CYB5B: variants seen among roughly 807,000 people sequenced by gnomAD.
CYB5B encodes cytochrome b5 type B (outer mitochondrial membrane).
A neutral mutation model predicts 21.3 loss-of-function variants in CYB5B; 14 were observed. The observed-to-expected ratio is 0.66, with a 90% confidence interval of 0.43 to 1.03. The LOEUF is 1.03. Among genes scored for constraint, CYB5B ranks in the 50% least tolerant of loss-of-function variants. CYB5B has a pLI of 0.00. For missense variants in CYB5B, 166 were observed against 185.1 expected, an observed-to-expected ratio of 0.90 and a Z score of 0.60; for synonymous variants, 69 against 68.4, an observed-to-expected ratio of 1.01 and a Z score of -0.04.
At chr16:69,441,754 T>G (rs1250547115) in intron 1 of CYB5B, among the ~76,000 whole-genome samples, 2 of 152,154 alleles carry the variant, frequency 1.3e-5, no homozygotes. Flanking sequence ...AGAAACTCAT[T>G]TTTTTTCAGT....
rs529082567 is a variant in CYB5B at position 69,432,733 on chromosome 16, C to A, written c.174+7876C>A. The stretch of plus-strand genomic sequence containing the variant: ...AAAACAGGAGCAGAGGAGTAACTTT[C>A]ACAGAGTCATAAAGTTAGGTGGCAC... On this transcript the variant is annotated intron_variant, in intron 1 of 4. Transcript: ENST00000307892. Among the ~76,000 whole-genome samples the A allele has an allele frequency of 3.3e-5, 5 of 152,260 alleles. No homozygotes were observed. The South Asian group carries it at 1.0e-3, about 32-fold the overall frequency.
At chr16:69,459,261 A>C in intron 4 of CYB5B, 140 bp downstream of exon 4, 1 of 1,109,178 alleles carries the variant, frequency 9.0e-7, no homozygotes, top group African/African-American at 1.6e-5. Context: ...TTGCAAATTC[A>C]GTTGTTCCTT....
Position 69,428,828 on chromosome 16 carries a change from G to A in CYB5B, c.174+3971G>A, listed in dbSNP as rs139472471. Reference sequence around the variant, plus strand: ...AGCCATGAGGGTATCTGTAGGAAGAGCATAGAGCATTCCTGGCAGAGGAAA... The same window carrying A: ...AGCCATGAGGGTATCTGTAGGAAGAACATAGAGCATTCCTGGCAGAGGAAA... On this transcript the variant is annotated intron_variant, in intron 1 of 4. Coordinates refer to ENST00000307892, the MANE Select transcript of CYB5B (RefSeq NM_030579.3). 2.8e-3 allele frequency among the ~76,000 whole-genome samples: 431 copies of A among 152,244 alleles called. 3 individuals carry two copies. Among genetic ancestry groups the A allele is most frequent in the African/African-American group, 0.01 (422 of 41,542 alleles).
In CYB5B at chr16:69,465,532, C is replaced by G. The variant is rs1345143840; in HGVS notation, c.*3012C>G. 1 of 152,188 alleles carries G rather than the reference C, an allele frequency of 6.6e-6. No individual in the cohort carries two copies. Among genetic ancestry groups the G allele is most frequent in the Non-Finnish European group, 1.5e-5 (1 of 68,024 alleles). The allele number at this position is 152,188 out of a possible 1,614,324, so 9.4% of individuals were successfully genotyped here. On this transcript the variant is annotated 3_prime_UTR_variant, in exon 5 of 5. Transcript: ENST00000307892. ...AATCCCTTGGAACCTATCGTTTGAG[C>G]CTGTAAAGTTGTTTTAGCAGTTGTC...
At chr16:69,435,900 A>C (rs895253704) in intron 1 of CYB5B, among the ~76,000 whole-genome samples, 4 of 152,110 alleles carry the variant, frequency 2.6e-5, no homozygotes, top group Non-Finnish European at 5.9e-5. Flanking sequence ...CAGCCTCCCA[A>C]ATGCTGGGAT....
chr16:69,438,604 A>G (rs1448878768), intron 1 of CYB5B, among the ~76,000 whole-genome samples: 1 of 48,922 alleles, frequency 2.0e-5, no homozygotes, highest in Non-Finnish European at 8.6e-5. Flanking sequence ...TTTGATTTTC[A>G]TTTCTTTTTT....
chr16:69,432,939 A>C (rs1053256848), intron 1 of CYB5B, among the ~76,000 whole-genome samples: 2 of 152,156 alleles, frequency 1.3e-5, no homozygotes, highest in Admixed American at 1.3e-4. Context: ...CTGGGATTAC[A>C]GGCACCTGCC....
intron 1 of CYB5B, among the ~76,000 whole-genome samples, chr16:69,432,352 T>A (rs1028193945): frequency 6.6e-6 from 1 of 152,220 alleles, no homozygotes; most frequent in Non-Finnish European, 1.5e-5. Context: ...TGGTATTCAA[T>A]AAATTACATG....
In CYB5B at chr16:69,424,757, C is replaced by T. The variant is rs746699934; in HGVS notation, c.74C>T (p.Thr25Ile). The change falls in exon 1 of 5, where the codon ACC becomes ATC. Residue 25 changes from threonine to isoleucine, a missense_variant. Coordinates refer to ENST00000307892, the MANE Select transcript of CYB5B (RefSeq NM_030579.3). ...GGGCAGGAAGTCGAGACCTCAGTCA[C>T]CTATTACCGGTTGGAGGAGGTGGCA... ...GKGQEVETSV[T>I]YYRLEEVAKR... The T allele has an allele frequency of 6.2e-7, 1 of 1,604,098 alleles. No individual in the cohort carries two copies. Among genetic ancestry groups the T allele is most frequent in the South Asian group, 1.1e-5 (1 of 89,842 alleles).
intron 1 of CYB5B, among the ~76,000 whole-genome samples, chr16:69,433,796 T>C (rs958317935): frequency 6.6e-5 from 10 of 152,208 alleles, no homozygotes; most frequent in African/African-American, 2.4e-4. Flanking sequence ...GGGTGCATTC[T>C]GAGAACTGCA....
At chr16:69,451,602 G>C (rs1445770535) in intron 3 of CYB5B, among the ~76,000 whole-genome samples, 1 of 151,660 alleles carries the variant, frequency 6.6e-6, no homozygotes, top group Admixed American at 6.6e-5. Flanking sequence ...TTTTGAGTGA[G>C]TATTATAAAA....
At chr16:69,426,683 C>A (rs1403692831) in intron 1 of CYB5B, among the ~76,000 whole-genome samples, 3 of 112,732 alleles carry the variant, frequency 2.7e-5, no homozygotes, top group Admixed American at 1.2e-4. Context: ...CCAGCCTGGG[C>A]GACAGAGCGA....
chr16:69,447,006 A>C, intron 1 of CYB5B, 144 bp from the exon 2 acceptor site: 1 of 959,696 alleles, frequency 1.0e-6, no homozygotes, highest in Non-Finnish European at 1.5e-6. Flanking sequence ...TGTTCTTCCC[A>C]TTGCATCCTG....
intron 2 of CYB5B, 50 bp downstream of exon 2, chr16:69,447,328 AGCT>A: frequency 6.3e-7 from 1 of 1,595,486 alleles, no homozygotes. Flanking sequence ...ACTACTTAAC[AGCT>A]GCAGAACAGG....
chr16:69,456,498 G>A (rs748938945), intron 3 of CYB5B, among the ~76,000 whole-genome samples: 1 of 152,098 alleles, frequency 6.6e-6, no homozygotes, highest in Admixed American at 6.5e-5. Context: ...TAAGCTTTTC[G>A]AAGAAAAAGA....
Position 69,458,965 on chromosome 16 carries a change from C to T in CYB5B, c.334-128C>T, listed in dbSNP as rs1597287659. 14 of 777,442 alleles carry T rather than the reference C, an allele frequency of 1.8e-5. No homozygotes were observed. The East Asian group carries it at 3.8e-4, about 21-fold the overall frequency. The allele number at this position is 777,442 out of a possible 1,614,324, so 48.2% of individuals were successfully genotyped here. A position where few individuals can be genotyped will look rare whatever the true frequency, so the allele number is the denominator to read the frequency against. ...TTATATATTTGTAAACACCAAAATG[C>T]ATGAAAGATGAAGTTCTGGTATCAG... On this transcript the variant is annotated intron_variant, in intron 3 of 4. Transcript: ENST00000307892.
chr16:69,432,405 G>T (rs555518669), intron 1 of CYB5B, among the ~76,000 whole-genome samples: 35 of 152,294 alleles, frequency 2.3e-4, no homozygotes, highest in African/African-American at 7.7e-4. Context: ...CATGTTAGAT[G>T]ATTTTGCCCA....
In CYB5B at chr16:69,464,330, A is replaced by T. The variant is rs1195695183; in HGVS notation, c.*1810A>T. Reference sequence around the variant, plus strand: ...GGGATATGGGTTTAGTAAAGCTTTTATCTTTAGAAAAATGTTTGTATGCAT... The same window carrying T: ...GGGATATGGGTTTAGTAAAGCTTTTTTCTTTAGAAAAATGTTTGTATGCAT... On this transcript the variant is annotated 3_prime_UTR_variant, in exon 5 of 5. Coordinates refer to ENST00000307892, the MANE Select transcript of CYB5B (RefSeq NM_030579.3). 1 of 152,186 alleles carries T rather than the reference A, an allele frequency of 6.6e-6. No homozygotes were observed. The highest frequency in any genetic ancestry group is 1.5e-5 in the Non-Finnish European group (1 of 68,036). The allele number at this position is 152,186 out of a possible 1,614,324, so 9.4% of individuals were successfully genotyped here. A position where few individuals can be genotyped will look rare whatever the true frequency, so the allele number is the denominator to read the frequency against.
intron 3 of CYB5B, among the ~76,000 whole-genome samples, chr16:69,457,066 A>G (rs1473930606): frequency 2.6e-5 from 4 of 151,850 alleles, no homozygotes; most frequent in Non-Finnish European, 5.9e-5. Flanking sequence ...GTCCCCAGGG[A>G]TGGATTGATC....
Sources: gnomAD v4.1 joint callset for allele counts (sites outside exome capture counted in the v4.1 genomes callset) on GRCh38, gnomAD v4.1.1 for gene constraint, MANE v1.5 for transcripts, NCBI Gene and HGNC (gene_info 2026-07-23, HGNC 2026-07-21) for gene names.